Variants in BFAR observed in about 807,000 individuals in gnomAD.
BFAR encodes the protein RING finger protein 47.
A neutral mutation model predicts 54.4 loss-of-function variants in BFAR; 52 were observed. The observed-to-expected ratio is 0.96, with a 90% CI of 0.77 to 1.21. The LOEUF (loss-of-function observed/expected upper bound fraction) is 1.21. Among genes scored for constraint, BFAR ranks in the 50% most tolerant of loss-of-function variants. BFAR has a pLI of 0.00. For synonymous variants in BFAR, 215 were observed against 204.3 expected, an observed-to-expected ratio of 1.05 and a Z score of -0.45; for missense variants, 571 against 534.0, an observed-to-expected ratio of 1.07 and a Z score of -0.68.
chr16:14,633,128 G>T (rs1430996904), intron 1 of BFAR, 110 bp downstream of exon 1: 1 of 152,308 alleles, frequency 6.6e-6, no homozygotes, highest in Non-Finnish European at 1.5e-5. Context: ...CCCCAGCCGG[G>T]TCGTAGGAGG....
intron 7 of BFAR, among the ~76,000 whole-genome samples, chr16:14,667,064 G>A (rs1203955063): frequency 3.3e-5 from 5 of 152,054 alleles, no homozygotes; most frequent in Admixed American, 1.3e-4. Flanking sequence ...TTAACTGGGC[G>A]TGGTGGTGCA....
chr16:14,663,918 T>C (rs1250335945), intron 6 of BFAR, among the ~76,000 whole-genome samples: 1 of 152,126 alleles, frequency 6.6e-6, no homozygotes, highest in Non-Finnish European at 1.5e-5. Flanking sequence ...GCATTTCATT[T>C]CAACCTTTTT....
intron 4 of BFAR, among the ~76,000 whole-genome samples, chr16:14,651,805 T>G (rs1317741310): frequency 1.3e-5 from 2 of 149,904 alleles, no homozygotes; most frequent in Non-Finnish European, 3.0e-5. Flanking sequence ...AGACCCACAA[T>G]CAGAAAGGTA....
intron 1 of BFAR, among the ~76,000 whole-genome samples, chr16:14,640,821 A>G (rs1959602157): frequency 6.6e-6 from 1 of 152,208 alleles, no homozygotes. Flanking sequence ...TGAGAGCCTA[A>G]TAAACCCTAT....
intron 1 of BFAR, among the ~76,000 whole-genome samples, chr16:14,639,753 G>T (rs960616658): frequency 3.9e-5 from 6 of 152,118 alleles, no homozygotes; most frequent in African/African-American, 1.4e-4. Flanking sequence ...CATAGAGAAG[G>T]TCATGTTGAT....
chr16:14,667,812 A>G lies in BFAR; in HGVS notation c.1338A>G (p.Glu446=), dbSNP rs1001747695. The change falls in exon 8 of 8, where the codon GAA becomes GAG. Residue 446 remains glutamate (E), a synonymous_variant. Coordinates refer to ENST00000261658, the MANE Select transcript of BFAR (RefSeq NM_016561.3). ...DLVVKELRRL[E]TQVL is the part of the protein sequence containing the mutation. ...TGGTCAAGGAACTCCGGCGGCTGGAAACCCAGGTGTTGTGACTGGCACTGC... is the reference window on the plus strand; with the variant it reads ...TGGTCAAGGAACTCCGGCGGCTGGAGACCCAGGTGTTGTGACTGGCACTGC... 1.2e-5 allele frequency: 19 copies of G among 1,614,136 alleles called. No homozygotes were observed. Among genetic ancestry groups the G allele is most frequent in the Non-Finnish European group, 1.5e-5 (18 of 1,180,000 alleles).
At chr16:14,659,567 T>C (rs1960232454) in intron 5 of BFAR, among the ~76,000 whole-genome samples, 1 of 149,692 alleles carries the variant, frequency 6.7e-6, no homozygotes, top group Non-Finnish European at 1.5e-5. Flanking sequence ...TCTTTTTTTT[T>C]TGAGATGGAG....
chr16:14,635,105 CG>C (rs1271015631), intron 1 of BFAR, among the ~76,000 whole-genome samples: 3 of 152,114 alleles, frequency 2.0e-5, no homozygotes, highest in Admixed American at 1.3e-4. Context: ...GATGCCAAGG[CG>C]GGCAGATTGC....
chr16:14,662,708 G>T (rs549296594), intron 6 of BFAR, among the ~76,000 whole-genome samples: 2 of 152,088 alleles, frequency 1.3e-5, no homozygotes, highest in African/African-American at 2.4e-5. Context: ...TGCAGAGACA[G>T]GGTTTCACCA....
In BFAR at chr16:14,636,249, A is replaced by G. The variant is rs549048817; in HGVS notation, c.-74+3231A>G. On this transcript the variant is annotated intron_variant, in intron 1 of 7. Coordinates refer to ENST00000261658, the MANE Select transcript of BFAR (RefSeq NM_016561.3). ...ACAAAGTATAGAGAAAGAAATAAGGAGGCCCAGGAGACCAGCGTTCAGCAT... is the reference window on the plus strand; with the variant it reads ...ACAAAGTATAGAGAAAGAAATAAGGGGGCCCAGGAGACCAGCGTTCAGCAT... Among the ~76,000 whole-genome samples, 154 of 152,290 alleles carry G rather than the reference A, an allele frequency of 1.0e-3. 1 individual carries two copies. Among genetic ancestry groups the G allele is most frequent in the African/African-American group, 3.4e-3 (141 of 41,570 alleles).
At chr16:14,638,340 A>C (rs1404767695) in intron 1 of BFAR, among the ~76,000 whole-genome samples, 2 of 152,196 alleles carry the variant, frequency 1.3e-5, no homozygotes, top group Non-Finnish European at 2.9e-5. Flanking sequence ...CCATGATTGC[A>C]CCACTGCCCT....
intron 1 of BFAR, among the ~76,000 whole-genome samples, chr16:14,642,584 A>G (rs1959661928): frequency 6.6e-6 from 1 of 152,180 alleles, no homozygotes; most frequent in Non-Finnish European, 1.5e-5. Context: ...AGCTGGCTGG[A>G]TCCAGAGGGC....
intron 4 of BFAR, 24 bp downstream of exon 4, chr16:14,649,997 C>T: frequency 6.3e-7 from 1 of 1,575,500 alleles, no homozygotes; most frequent in Non-Finnish European, 8.6e-7. Context: ...TCTTCTGACA[C>T]ACCGTGGACA....
chr16:14,634,713 T>C (rs1354629304), intron 1 of BFAR, among the ~76,000 whole-genome samples: 1 of 152,176 alleles, frequency 6.6e-6, no homozygotes, highest in Non-Finnish European at 1.5e-5. Context: ...GAAGTTGACA[T>C]GATTATCCTA....
intron 1 of BFAR, among the ~76,000 whole-genome samples, chr16:14,636,262 C>T (rs1959435572): frequency 6.6e-6 from 1 of 152,062 alleles, no homozygotes; most frequent in Admixed American, 6.6e-5. Flanking sequence ...CCCAGGAGAC[C>T]AGCGTTCAGC....
intron 1 of BFAR, among the ~76,000 whole-genome samples, chr16:14,638,022 G>A (rs957852412): frequency 5.3e-5 from 8 of 151,688 alleles, no homozygotes; most frequent in African/African-American, 1.2e-4. Flanking sequence ...AATATATAAC[G>A]AGAGAATTTA....
chr16:14,651,405 G>A (rs551160128), intron 4 of BFAR, among the ~76,000 whole-genome samples: 78 of 152,174 alleles, frequency 5.1e-4, no homozygotes, highest in Non-Finnish European at 9.3e-4. Flanking sequence ...TGCTCTCCAC[G>A]GGTGCACTCC....
At chr16:14,637,673 G>A (rs542521207) in intron 1 of BFAR, among the ~76,000 whole-genome samples, 1 of 151,982 alleles carries the variant, frequency 6.6e-6, no homozygotes, top group African/African-American at 2.4e-5. Flanking sequence ...CCATCTCTAC[G>A]AAAAATTTAG....
chr16:14,649,264 T>TG lies in BFAR; in HGVS notation c.469-536dup, dbSNP rs201952443. On this transcript the variant is annotated intron_variant, in intron 3 of 7. Coordinates refer to ENST00000261658, the MANE Select transcript of BFAR (RefSeq NM_016561.3). ...CTAATTTTTGTGTGATTAGTAGAGA[T>TG]GGGGTTTCACCATGTTGGCCAGGCT... Among the ~76,000 whole-genome samples the TG allele has an allele frequency of 9.3e-3, 1,412 of 152,078 alleles. 24 individuals carry two copies. Among genetic ancestry groups the TG allele is most frequent in the African/African-American group, 0.032 (1,323 of 41,490 alleles).
Sources: allele counts gnomAD v4.1 joint callset (sites outside exome capture counted in the v4.1 genomes callset), GRCh38; gene constraint gnomAD v4.1.1; transcripts MANE v1.5; gene names NCBI Gene and HGNC (gene_info 2026-07-23, HGNC 2026-07-21).